The following CFDP1 variants were observed in gnomAD, a reference collection of about 807,000 sequenced individuals.
The protein encoded by CFDP1 is heterochromatin-stabilizing protein CFDP1.
A neutral mutation model predicts 40.1 loss-of-function variants in CFDP1; 31 were observed. The ratio of observed to expected loss-of-function variants is 0.77; its 90% CI spans 0.58 to 1.04. CFDP1 has a LOEUF of 1.04. Ranked by LOEUF, CFDP1 falls within the 50% of genes least tolerant of loss-of-function variation. CFDP1 has a pLI of 0.00. For missense variants in CFDP1, 423 were observed against 343.4 expected (o/e 1.23, Z -1.83); for synonymous variants, 167 against 120.0 (o/e 1.39, Z -2.56).
intron 5 of CFDP1, among the ~76,000 whole-genome samples, chr16:75,360,358 G>C (rs2078673141): frequency 6.6e-6 from 1 of 152,176 alleles, no homozygotes; most frequent in Non-Finnish European, 1.5e-5. Flanking sequence ...GTGTCAAAAG[G>C]ACAAAGGAAT....
chr16:75,362,119 G>A (rs945336261), intron 5 of CFDP1, among the ~76,000 whole-genome samples: 4 of 152,186 alleles, frequency 2.6e-5, no homozygotes, highest in Admixed American at 6.5e-5. Flanking sequence ...TACACAAATT[G>A]GGTAATAAGT....
intron 4 of CFDP1, among the ~76,000 whole-genome samples, chr16:75,405,910 C>T (rs1204172325): frequency 6.6e-6 from 1 of 150,486 alleles, no homozygotes; most frequent in Non-Finnish European, 1.5e-5. Context: ...CAGAGCAAAA[C>T]CCCGTCTCCA....
intron 5 of CFDP1, among the ~76,000 whole-genome samples, chr16:75,327,180 T>G (rs1234165413): frequency 6.6e-6 from 1 of 152,060 alleles, no homozygotes; most frequent in Non-Finnish European, 1.5e-5. Context: ...GGCAGGAGAA[T>G]AGCGTGAACC....
At chr16:75,394,713 G>C in intron 5 of CFDP1, 1 of 145,168 alleles carries the variant, frequency 6.9e-6, no homozygotes, top group Non-Finnish European at 1.5e-5. Flanking sequence ...ACCCAGGCTG[G>C]AGTGCAGTGG....
chr16:75,429,431 A>G (rs1597412907), intron 1 of CFDP1, among the ~76,000 whole-genome samples: 1 of 152,194 alleles, frequency 6.6e-6, no homozygotes, highest in Non-Finnish European at 1.5e-5. Context: ...AGGAGGGCGG[A>G]TCACCTGAGG....
chr16:75,384,050 TG>T (rs2078872877), intron 5 of CFDP1, among the ~76,000 whole-genome samples: 1 of 152,160 alleles, frequency 6.6e-6, no homozygotes, highest in African/African-American at 2.4e-5. Flanking sequence ...AAGTCTGTTT[TG>T]GTAACAGTTT....
intron 1 of CFDP1, among the ~76,000 whole-genome samples, chr16:75,428,437 A>G (rs1328893337): frequency 1.3e-5 from 2 of 152,024 alleles, no homozygotes; most frequent in Non-Finnish European, 2.9e-5. Flanking sequence ...AACAAGGTGA[A>G]GCCCCGTCTC....
intron 4 of CFDP1, among the ~76,000 whole-genome samples, chr16:75,402,030 T>C (rs2079060025): frequency 6.6e-6 from 1 of 152,224 alleles, no homozygotes; most frequent in Non-Finnish European, 1.5e-5. Context: ...CCTATCTATA[T>C]TCACTAGGAA....
At chr16:75,339,992 T>C (rs1215925226) in intron 5 of CFDP1, among the ~76,000 whole-genome samples, 1 of 152,224 alleles carries the variant, frequency 6.6e-6, no homozygotes, top group Admixed American at 6.5e-5. Flanking sequence ...TTTTATGATT[T>C]TTCTGGTTTT....
In CFDP1 at chr16:75,416,799, C is replaced by T. The variant is rs576013020; in HGVS notation, c.65-2104G>A. Among the ~76,000 whole-genome samples the T allele has an allele frequency of 2.3e-3, 349 of 151,992 alleles. 2 individuals are homozygous for T. The highest frequency in any genetic ancestry group is 7.9e-3 in the African/African-American group (328 of 41,446). ...ATTTTTTAAAGGCGATGAGAAGGAG[C>T]CAGCTGTGTGAAAATCTGGAGAATA... On this transcript the variant is annotated intron_variant, in intron 1 of 6. Coordinates refer to ENST00000283882, the MANE Select transcript of CFDP1 (RefSeq NM_006324.3).
chr16:75,374,175 C>T (rs916830396), intron 5 of CFDP1, among the ~76,000 whole-genome samples: 4 of 151,934 alleles, frequency 2.6e-5, no homozygotes, highest in African/African-American at 4.8e-5. Context: ...ATCACTTGAA[C>T]CCTGGAGGTG....
In CFDP1 at chr16:75,318,650, C is replaced by T. The variant is rs577675041; in HGVS notation, c.651-13468G>A. ...CGATCTCCTGACCTTGTGATCCGCC[C>T]GCCTTGGCCTCCCAAAGTGCTGGGA... On this transcript the variant is annotated intron_variant, in intron 5 of 6. Transcript: ENST00000283882. 1.3e-3 allele frequency among the ~76,000 whole-genome samples: 193 copies of T among 152,162 alleles called. 1 individual carries two copies. The highest frequency in any genetic ancestry group is 4.5e-3 in the African/African-American group (186 of 41,502).
chr16:75,357,854 G>A (rs2078655016), intron 5 of CFDP1, among the ~76,000 whole-genome samples: 1 of 152,102 alleles, frequency 6.6e-6, no homozygotes, highest in African/African-American at 2.4e-5. Flanking sequence ...CTAACTGTTT[G>A]GTACAAGAGG....
At chr16:75,349,698 T>TATATATATATATACAC (rs146824267) in intron 5 of CFDP1, among the ~76,000 whole-genome samples, 493 of 47,836 alleles carry the variant, frequency 0.01, 57 homozygotes, top group Middle Eastern at 0.014. Context: ...AAAATATATA[T>TATATATATATATACAC]ACATACATAT....
At chr16:75,331,914 T>C (rs1001102066) in intron 5 of CFDP1, among the ~76,000 whole-genome samples, 4 of 152,234 alleles carry the variant, frequency 2.6e-5, no homozygotes, top group African/African-American at 7.2e-5. Context: ...TCACACGTTA[T>C]AGTCCTACCA....
At chr16:75,425,488 C>T (rs1313117536) in intron 1 of CFDP1, among the ~76,000 whole-genome samples, 2 of 151,490 alleles carry the variant, frequency 1.3e-5, no homozygotes, top group Admixed American at 1.3e-4. Flanking sequence ...CTCTCTCTAC[C>T]TGATTTCAAC....
chr16:75,432,435 C>T (rs1279855538), intron 1 of CFDP1, among the ~76,000 whole-genome samples: 1 of 104,302 alleles, frequency 9.6e-6, no homozygotes, highest in African/African-American at 3.3e-5. Context: ...CCTGCAGTCC[C>T]AGCTACTCCA....
At chr16:75,302,202 T>G (rs889782277) in intron 6 of CFDP1, among the ~76,000 whole-genome samples, 2 of 152,332 alleles carry the variant, frequency 1.3e-5, no homozygotes, top group Admixed American at 1.3e-4. Context: ...TCCCTTCCAG[T>G]CTACATTTTG....
chr16:75,378,045 G>C (rs191227460), intron 5 of CFDP1, among the ~76,000 whole-genome samples: 1 of 152,228 alleles, frequency 6.6e-6, no homozygotes, highest in Admixed American at 6.5e-5. Flanking sequence ...TTATCCACAA[G>C]GCAAGCCAAA....
Sources: allele counts gnomAD v4.1 joint callset (sites outside exome capture counted in the v4.1 genomes callset), GRCh38; gene constraint gnomAD v4.1.1; transcripts MANE v1.5; gene names NCBI Gene and HGNC (gene_info 2026-07-23, HGNC 2026-07-21).